Variants in TBCK observed in about 807,000 individuals in gnomAD.
TBCK encodes TBC1 domain containing kinase, also known as TBC domain-containing protein kinase-like protein.
In TBCK, 99 loss-of-function variants were observed where a neutral mutation model predicts 113.4. That is an observed-to-expected ratio of 0.87 (90% CI 0.74 to 1.03). TBCK has a LOEUF of 1.03. TBCK is among the 50% of genes least tolerant of loss of function. The pLI is 0.00. For missense variants in TBCK, 1,045 were observed against 1,061.3 expected (o/e 0.98, Z 0.21); for synonymous variants, 369 against 370.8 (o/e 1.00, Z 0.05).
At chr4:106,235,393 AC>A (rs1759341051) in intron 14 of TBCK, 26 bp from the exon 15 acceptor site, 1 of 1,509,504 alleles carries the variant, frequency 6.6e-7, no homozygotes, top group Admixed American at 1.9e-5. Context: ...AGAAATGAAA[AC>A]GTCTCAAATT....
intron 25 of TBCK, among the ~76,000 whole-genome samples, chr4:106,074,895 G>C (rs1219096748): frequency 6.6e-6 from 1 of 152,194 alleles, no homozygotes; most frequent in Admixed American, 6.5e-5. Context: ...CATAATTCTG[G>C]AGGGAAGGGC....
rs1330124358 is a variant in TBCK, at chr4:106,295,131, T to G, written c.229A>C (p.Ser77Arg). The G allele has an allele frequency of 1.2e-6, 2 of 1,613,654 alleles. No individual in the cohort carries two copies. ...CTTTCTCGAAGCAAGTCTTCCAGAC[T>G]ACGTTCACAATGTTCAGCCACGACC... ...LVVVAEHCER[S>R]LEDLLRERKP... The change falls in exon 3 of 26, where the codon AGT becomes CGT. Residue 77 changes from serine (S) to arginine (R), a missense_variant. By Grantham distance (110) the Ser-to-Arg change is moderately radical. Transcript: ENST00000394708.
intron 3 of TBCK, among the ~76,000 whole-genome samples, chr4:106,269,835 CT>C (rs1419466742): frequency 6.6e-6 from 1 of 152,078 alleles, no homozygotes. Flanking sequence ...TACTAGATAA[CT>C]TTTCTTCTCA....
Position 106,212,805 on chromosome 4 carries a change from G to A in TBCK, c.1805C>T (p.Ala602Val). 1.9e-6 allele frequency: 3 copies of A among 1,612,394 alleles called. No homozygotes were observed. Among genetic ancestry groups the A allele is most frequent in the Non-Finnish European group, 2.5e-6 (3 of 1,179,042 alleles). Residue 602 changes from alanine (A) to valine (V), a missense_variant, in exon 20 of 26, where the codon GCA (alanine) becomes GTA (valine). Coordinates refer to ENST00000394708, the MANE Select transcript of TBCK (RefSeq NM_001163435.3). ...EYLTVFSQMIAFHDPELSNHL... is the reference protein window; with the variant it reads ...EYLTVFSQMIVFHDPELSNHL... ...ATTACTCAGCTCTGGATCATGAAATGCAATCATCTGAGAGAAGACAGTCAG... is the reference window on the plus strand; with the variant it reads ...ATTACTCAGCTCTGGATCATGAAATACAATCATCTGAGAGAAGACAGTCAG...
At chr4:106,128,616 T>C (rs562970251) in intron 23 of TBCK, among the ~76,000 whole-genome samples, 4 of 152,144 alleles carry the variant, frequency 2.6e-5, no homozygotes, top group African/African-American at 2.4e-5. Context: ...GAAAATGAAA[T>C]AGTTTCAGGC....
chr4:106,067,845 G>A (rs932180516), intron 25 of TBCK, among the ~76,000 whole-genome samples: 6 of 152,014 alleles, frequency 3.9e-5, no homozygotes, highest in African/African-American at 1.4e-4. Context: ...AATTCCATTG[G>A]TCTATATGTC....
chr4:106,062,496 T>C (rs1335892078), intron 25 of TBCK, among the ~76,000 whole-genome samples: 2 of 151,928 alleles, frequency 1.3e-5, no homozygotes, highest in East Asian at 3.9e-4. Flanking sequence ...TTCAAGCCAC[T>C]GGTCATATTA....
At chr4:106,048,577 C>T (rs762964184) in intron 25 of TBCK, among the ~76,000 whole-genome samples, 32 of 152,068 alleles carry the variant, frequency 2.1e-4, no homozygotes, top group Non-Finnish European at 4.3e-4. Context: ...CAGCACAGTC[C>T]CTGGTACCAT....
At chr4:106,250,783 G>A (rs1761342088) in intron 6 of TBCK, among the ~76,000 whole-genome samples, 1 of 151,800 alleles carries the variant, frequency 6.6e-6, no homozygotes, top group Non-Finnish European at 1.5e-5. Context: ...ATGTATTCCA[G>A]GCCATATGGA....
chr4:106,266,770 C>T (rs1763032819), intron 3 of TBCK, among the ~76,000 whole-genome samples: 2 of 151,774 alleles, frequency 1.3e-5, no homozygotes, highest in African/African-American at 4.8e-5. Flanking sequence ...ACAAAAAATG[C>T]TATTTTATAC....
At chr4:106,078,514 A>AAAAGTT (rs1368528990) in intron 25 of TBCK, among the ~76,000 whole-genome samples, 1 of 152,196 alleles carries the variant, frequency 6.6e-6, no homozygotes, top group Non-Finnish European at 1.5e-5. Flanking sequence ...ACCTCTATGC[A>AAAAGTT]CACAATTAGG....
At chr4:106,308,284 G>A (rs1767758265) in intron 2 of TBCK, among the ~76,000 whole-genome samples, 1 of 152,028 alleles carries the variant, frequency 6.6e-6, no homozygotes, top group Non-Finnish European at 1.5e-5. Context: ...ATCCTCAGAG[G>A]AGAAAAATTA....
intron 23 of TBCK, among the ~76,000 whole-genome samples, chr4:106,120,265 A>G (rs570312256): frequency 6.6e-6 from 1 of 152,268 alleles, no homozygotes; most frequent in African/African-American, 2.4e-5. Context: ...GACCCCCTTA[A>G]AAAACGGCGC....
chr4:106,074,246 C>G (rs1006177271), intron 25 of TBCK, among the ~76,000 whole-genome samples: 61 of 152,294 alleles, frequency 4.0e-4, no homozygotes, highest in African/African-American at 1.1e-3. Context: ...CATCTTGGAA[C>G]AGACCTCCAA....
At chr4:106,250,521 T>C in intron 6 of TBCK, 43 bp from the exon 7 acceptor site, 2 of 1,185,294 alleles carry the variant, frequency 1.7e-6, no homozygotes, top group East Asian at 2.6e-5. Flanking sequence ...TATTTACATG[T>C]TTTTTCTAGG....
chr4:106,248,637 T>A (rs1761094828), intron 8 of TBCK, among the ~76,000 whole-genome samples: 1 of 152,178 alleles, frequency 6.6e-6, no homozygotes, highest in Admixed American at 6.6e-5. Context: ...TAAGAAGTAA[T>A]TAGGTCATAA....
At chr4:106,309,220 T>C (rs1467483939) in intron 1 of TBCK, among the ~76,000 whole-genome samples, 1 of 151,926 alleles carries the variant, frequency 6.6e-6, no homozygotes, top group Non-Finnish European at 1.5e-5. Context: ...AAAGAAAAGA[T>C]TATTCCATTC....
chr4:106,259,830 C>T (rs769058593), intron 5 of TBCK, among the ~76,000 whole-genome samples: 5 of 151,792 alleles, frequency 3.3e-5, no homozygotes, highest in Admixed American at 1.3e-4. Flanking sequence ...CACAGAAATC[C>T]GTATCAAAAA....
chr4:106,314,105 C>G (rs533602489), intron 1 of TBCK, among the ~76,000 whole-genome samples: 20 of 151,868 alleles, frequency 1.3e-4, no homozygotes, highest in African/African-American at 4.8e-4. Context: ...GTTTTTGGCA[C>G]GTGAATAAAG....
Sources: gnomAD v4.1 joint callset for allele counts (sites outside exome capture counted in the v4.1 genomes callset) on GRCh38, gnomAD v4.1.1 for gene constraint, MANE v1.5 for transcripts, NCBI Gene and HGNC (gene_info 2026-07-23, HGNC 2026-07-21) for gene names.